Variants in THOC2 observed in about 807,000 individuals in gnomAD.
The protein encoded by THOC2 is THO complex subunit 2, also known as THO complex 2.
THOC2 carries 10 observed loss-of-function variants against 128.4 expected under a neutral mutation model. That is an observed-to-expected ratio of 0.08 (90% confidence interval 0.05 to 0.13). THOC2 has a LOEUF of 0.13. Ranked by LOEUF, THOC2 falls within the 10% of genes least tolerant of loss-of-function variation. The pLI is 1.00. For synonymous variants in THOC2, 393 were observed against 396.9 expected (o/e 0.99, Z 0.12); for missense variants, 535 against 1,155.7 (o/e 0.46, Z 7.79).
chrX:123,626,717 T>C (rs2147612892), intron 23 of THOC2, 55 bp from the exon 24 acceptor site: 1 of 1,087,694 alleles, frequency 9.2e-7, no homozygotes, highest in East Asian at 3.2e-5. Flanking sequence ...ACCTTTCTTC[T>C]TTTAATTGAA....
At chrX:123,640,222 A>G (rs911403529) in intron 16 of THOC2, among the ~76,000 whole-genome samples, 6 of 111,714 alleles carry the variant, frequency 5.4e-5, no homozygotes, top group African/African-American at 2.0e-4. Context: ...TTGCAGTGAT[A>G]GTATTACATA....
At chrX:123,631,320 A>G (rs1229491185) in intron 22 of THOC2, among the ~76,000 whole-genome samples, 2 of 112,109 alleles carry the variant, frequency 1.8e-5, no homozygotes, top group African/African-American at 6.5e-5. Flanking sequence ...GCAGCCTAAC[A>G]CCACTCCCTT....
intron 38 of THOC2, among the ~76,000 whole-genome samples, chrX:123,606,579 G>C (rs1367236773): frequency 9.0e-6 from 1 of 111,359 alleles, no homozygotes; most frequent in Admixed American, 9.5e-5. Context: ...GGGTGACAGA[G>C]AGAGACTCTG....
At chrX:123,697,190 A>G (rs1429643038) in intron 5 of THOC2, among the ~76,000 whole-genome samples, 1 of 112,048 alleles carries the variant, frequency 8.9e-6, no homozygotes, top group Non-Finnish European at 1.9e-5. Context: ...GTTAAATTCT[A>G]GTATAGCAAA....
chrX:123,626,820 C>T (rs1367773833), intron 23 of THOC2, among the ~76,000 whole-genome samples, 158 bp from the exon 24 acceptor site: 8 of 112,300 alleles, frequency 7.1e-5, no homozygotes, highest in Non-Finnish European at 1.5e-4. Flanking sequence ...ATTCAACACA[C>T]TCATAACACT....
intron 8 of THOC2, among the ~76,000 whole-genome samples, chrX:123,672,798 T>A (rs1250994680): frequency 9.0e-6 from 1 of 111,549 alleles, no homozygotes; most frequent in Non-Finnish European, 1.9e-5. Flanking sequence ...GAAGTGAGAA[T>A]AACTGGCAAT....
intron 1 of THOC2, among the ~76,000 whole-genome samples, chrX:123,721,632 A>G (rs1044511867): frequency 9.2e-6 from 1 of 108,133 alleles, no homozygotes; most frequent in Non-Finnish European, 1.9e-5. Context: ...TAAAAAATAC[A>G]AAAATTAGCC....
At chrX:123,613,328 AATATTTGCT>A in intron 36 of THOC2, 62 bp downstream of exon 36, 1 of 1,068,946 alleles carries the variant, frequency 9.4e-7, no homozygotes, top group Non-Finnish European at 1.3e-6. Context: ...AAAAAAATTC[AATATTTGCT>A]AAATTTTCAG....
At chrX:123,720,457 A>T (rs1445902472) in intron 1 of THOC2, among the ~76,000 whole-genome samples, 1 of 111,766 alleles carries the variant, frequency 8.9e-6, no homozygotes, top group Non-Finnish European at 1.9e-5. Context: ...CTCGAAAAAA[A>T]TTAAATAAAA....
intron 17 of THOC2, 88 bp from the exon 18 acceptor site, chrX:123,638,211 G>T: frequency 1.9e-6 from 1 of 531,152 alleles, no homozygotes; most frequent in South Asian, 4.4e-5. Context: ...GGGCAAAATT[G>T]TTGGTCATTA....
At chrX:123,627,582 A>G in intron 23 of THOC2, 111 bp downstream of exon 23, 1 of 808,240 alleles carries the variant, frequency 1.2e-6, no homozygotes, top group Middle Eastern at 4.6e-4. Context: ...AAAATATTAT[A>G]TAGCAACAAG....
rs772379634 is a variant in THOC2, at chrX:123,621,505, G to A, written c.3868C>T (p.Pro1290Ser). The A allele has an allele frequency of 8.3e-7, 1 of 1,201,745 alleles. No individual in the cohort carries two copies. Among genetic ancestry groups the A allele is most frequent in the Non-Finnish European group, 1.1e-6 (1 of 892,870 alleles). The change falls in exon 31 of 39, where the codon CCA becomes TCA. Residue 1290 changes from proline to serine, a missense_variant. Around this residue, in one of 9 missense-constraint regions of THOC2, gnomAD observed 116 missense variants for 180.0 expected, o/e 0.64. Coordinates refer to ENST00000245838, the MANE Select transcript of THOC2 (RefSeq NM_001081550.2). The stretch of plus-strand genomic sequence containing the variant: ...TCTTTACCAAGTACCCTGGCCTCTG[G>A]AGTAGTAGCTGGAGTCTTTTCTTTT... ...EKKEKTPATT[P>S]EARVLGKDGK...
intron 1 of THOC2, among the ~76,000 whole-genome samples, chrX:123,724,203 T>G (rs1191094057): frequency 9.0e-6 from 1 of 111,590 alleles, no homozygotes; most frequent in East Asian, 2.8e-4. Context: ...ATTACAATCA[T>G]CCACAGAGAG....
chrX:123,721,165 G>GT (rs1264772971), intron 1 of THOC2, among the ~76,000 whole-genome samples: 6 of 108,947 alleles, frequency 5.5e-5, no homozygotes, highest in African/African-American at 1.7e-4. Context: ...GTTGTTGCTG[G>GT]TTTTTTTTGT....
At chrX:123,618,977 T>C (rs1194051755) in intron 33 of THOC2, among the ~76,000 whole-genome samples, 1 of 112,156 alleles carries the variant, frequency 8.9e-6, no homozygotes, top group Non-Finnish European at 1.9e-5. Flanking sequence ...AAAACAGATA[T>C]GTGAATGCAT....
chrX:123,719,423 G>A (rs779536449), intron 1 of THOC2, among the ~76,000 whole-genome samples: 4 of 110,130 alleles, frequency 3.6e-5, no homozygotes, highest in South Asian at 3.8e-4. Context: ...CTTGCCAAGC[G>A]TGGTGGCTCA....
chrX:123,716,622 G>A (rs1326847957), intron 1 of THOC2, among the ~76,000 whole-genome samples: 2 of 109,167 alleles, frequency 1.8e-5, no homozygotes, highest in Admixed American at 9.8e-5. Context: ...CCAGCTTCTC[G>A]GGAGGCTGAG....
intron 38 of THOC2, chrX:123,602,695 G>T (rs2046324850): frequency 9.0e-6 from 1 of 111,317 alleles, no homozygotes; most frequent in Non-Finnish European, 1.9e-5. Flanking sequence ...AAAAACCATT[G>T]AATTGTACAC....
chrX:123,687,561 T>C (rs1185416577), intron 7 of THOC2, among the ~76,000 whole-genome samples: 1 of 112,180 alleles, frequency 8.9e-6, no homozygotes, highest in Non-Finnish European at 1.9e-5. Context: ...ACCTTATGGA[T>C]GAGTTAGGGG....
Sources: gnomAD v4.1 joint callset for allele counts (sites outside exome capture counted in the v4.1 genomes callset) on GRCh38, gnomAD v4.1.1 for gene constraint, gnomAD v4.1.1 regional missense constraint, MANE v1.5 for transcripts, NCBI Gene and HGNC (gene_info 2026-07-23, HGNC 2026-07-21) for gene names.